PECAM1: variants seen among roughly 807,000 people sequenced by gnomAD.
PECAM1 encodes platelet and endothelial cell adhesion molecule 1.
PECAM1 carries 8 observed loss-of-function variants against 13.8 expected under a neutral mutation model. The observed-to-expected ratio is 0.58, with a 90% CI of 0.34 to 1.05. The LOEUF (loss-of-function observed/expected upper bound fraction) is 1.05, where lower values mean the gene tolerates loss of function less well. Ranked by LOEUF, PECAM1 falls within the 50% of genes least tolerant of loss-of-function variation. PECAM1 has a pLI of 0.03. For synonymous variants in PECAM1, 136 were observed against 52.6 expected (o/e 2.58, Z -6.86); for missense variants, 304 against 141.2 (o/e 2.15, Z -5.84).
In PECAM1 at chr17:64,378,014, A is replaced by G. The variant is rs1229713069; in HGVS notation, c.195T>C (p.Ser65=). The G allele has an allele frequency of 2.1e-6, 1 of 475,186 alleles. No homozygotes were observed. The highest frequency in any genetic ancestry group is 2.0e-5 in the African/African-American group (1 of 50,468). 29.4% of individuals were successfully genotyped at this position (475,186 alleles called of 1,614,324 possible). A position where few individuals can be genotyped will look rare whatever the true frequency, so the allele number is the denominator to read the frequency against. ...LQCFADVSTT[S]HVKPQHQMLF... ...GCATCTGGTGCTGAGGCTTGACGTG[A>G]GAGGTGGTGCTGACATCCGCGAAGC... Residue 65 remains serine (S), a synonymous_variant, in exon 3 of 16, where the codon TCT becomes TCC. Coordinates refer to ENST00000563924, the MANE Select transcript of PECAM1 (RefSeq NM_000442.5).
At chr17:64,326,737 AGTAAAGGTTAACAC>A in intron 15 of PECAM1, among the ~76,000 whole-genome samples, 1 of 152,316 alleles carries the variant, frequency 6.6e-6, no homozygotes, top group East Asian at 1.9e-4. Context: ...GGGATTTTGA[AGTAAAGGTTAACAC>A]GCTCACATCC....
Position 64,342,820 on chromosome 17 carries a change from T to TAC in PECAM1, c.2108-1132_2108-1131dup, listed in dbSNP as rs1286052172. Among the ~76,000 whole-genome samples, 57 of 152,198 alleles carry TAC rather than the reference T, an allele frequency of 3.7e-4. No homozygotes were observed. In the East Asian group the frequency reaches 0.011, roughly 29 times the overall value. On this transcript the variant is annotated intron_variant, in intron 13 of 15. Coordinates refer to ENST00000563924, the MANE Select transcript of PECAM1 (RefSeq NM_000442.5). The stretch of plus-strand genomic sequence containing the variant: ...TATACAAAAATACACACACAGCATA[T>TAC]ACACACGCACACTCATGCACACAAT...
At position 64,321,734 on chromosome 17, in the gene PECAM1, C is replaced by T. The variant is rs1156844747; in HGVS notation, c.*2082G>A. ...CATTGTTGTGCCACTGCACTCCAGC[C>T]TGGGCAACAGAGCAAGCCCCTGTCT... On this transcript the variant is annotated 3_prime_UTR_variant, in exon 16 of 16. Coordinates refer to ENST00000563924, the MANE Select transcript of PECAM1 (RefSeq NM_000442.5). 1.7e-6 allele frequency: 2 copies of T among 1,173,262 alleles called. No individual in the cohort carries two copies. The highest frequency in any genetic ancestry group is 1.1e-6 in the Non-Finnish European group (1 of 904,304). The allele number at this position is 1,173,262 out of a possible 1,614,324, so 72.7% of individuals were successfully genotyped here. A position where few individuals can be genotyped will look rare whatever the true frequency, so the allele number is the denominator to read the frequency against.
Position 64,321,830 on chromosome 17 carries a change from C to T in PECAM1, c.*1986G>A. On this transcript the variant is annotated 3_prime_UTR_variant, in exon 16 of 16. Coordinates refer to ENST00000563924, the MANE Select transcript of PECAM1 (RefSeq NM_000442.5). ...AAGGCACCAGGAGTAGGAATAGGGT[C>T]TTTGCAGCTCCCGTGGCAATTGCCC... 1 of 1,348,758 alleles carries T rather than the reference C, an allele frequency of 7.4e-7. No individual in the cohort carries two copies. The highest frequency in any genetic ancestry group is 1.5e-5 in the African/African-American group (1 of 67,772). 83.5% of individuals were successfully genotyped at this position (1,348,758 alleles called of 1,614,324 possible).
At chr17:64,364,253 A>G (rs912672781) in intron 5 of PECAM1, among the ~76,000 whole-genome samples, 1 of 151,994 alleles carries the variant, frequency 6.6e-6, no homozygotes, top group Non-Finnish European at 1.5e-5. Context: ...CAACACACAC[A>G]CTCTCCCAAG....
At chr17:64,329,291 G>T (rs1176522395) in intron 15 of PECAM1, among the ~76,000 whole-genome samples, 1 of 152,124 alleles carries the variant, frequency 6.6e-6, no homozygotes, top group Non-Finnish European at 1.5e-5. Flanking sequence ...AGAAGCTTGG[G>T]TGTCTCCTGC....
At position 64,323,201 on chromosome 17, in the gene PECAM1, T is replaced by C; in HGVS notation, c.*615A>G. 1 of 987,992 alleles carries C rather than the reference T, an allele frequency of 1.0e-6. No homozygotes were observed. The highest frequency in any genetic ancestry group is 1.2e-6 in the Non-Finnish European group (1 of 831,622). 61.2% of individuals were successfully genotyped at this position (987,992 alleles called of 1,614,324 possible). On this transcript the variant is annotated 3_prime_UTR_variant, in exon 16 of 16. Transcript: ENST00000563924. ...CCACCTTCATTTTCTGTTTTGTGCG[T>C]TGCCTGAATGAACGGTGTCTTCAGG...
intron 14 of PECAM1, among the ~76,000 whole-genome samples, chr17:64,340,529 C>T (rs1312561606): frequency 4.6e-5 from 7 of 152,068 alleles, no homozygotes; most frequent in African/African-American, 9.7e-5. Flanking sequence ...TTACGTCTTT[C>T]GGATTGCTGA....
At chr17:64,344,573 G>A (rs1465283065) in intron 13 of PECAM1, among the ~76,000 whole-genome samples, 1 of 151,966 alleles carries the variant, frequency 6.6e-6, no homozygotes, top group African/African-American at 2.4e-5. Context: ...AGAGCTGGAT[G>A]TGGTTCCCAA....
At chr17:64,373,774 T>A (rs1172694966) in intron 4 of PECAM1, among the ~76,000 whole-genome samples, 2 of 152,130 alleles carry the variant, frequency 1.3e-5, no homozygotes, top group Non-Finnish European at 2.9e-5. Context: ...TAAAGTGGGA[T>A]GCCAAAAGAA....
Position 64,322,180 on chromosome 17 carries a change from AT to A in PECAM1, c.*1635del. The stretch of plus-strand genomic sequence containing the variant: ...GCGGGCAGATCACCAAAGGTCAGGC[AT>A]TCGAGATCAGCCTGGCCAACGTGGT... On this transcript the variant is annotated 3_prime_UTR_variant, in exon 16 of 16. Transcript: ENST00000563924. 1 of 692,254 alleles carries A rather than the reference AT, an allele frequency of 1.4e-6. No homozygotes were observed. The highest frequency in any genetic ancestry group is 1.8e-6 in the Non-Finnish European group (1 of 556,736). 42.9% of individuals were successfully genotyped at this position (692,254 alleles called of 1,614,324 possible).
intron 14 of PECAM1, among the ~76,000 whole-genome samples, chr17:64,334,355 G>T (rs1338842542): frequency 6.6e-6 from 1 of 152,038 alleles, no homozygotes; most frequent in African/African-American, 2.4e-5. Context: ...GGGTTTAAGG[G>T]CCAGAACTGT....
chr17:64,320,803 C>T lies in PECAM1; in HGVS notation c.*3013G>A, dbSNP rs1555644303. On this transcript the variant is annotated 3_prime_UTR_variant, in exon 16 of 16. Transcript: ENST00000563924. Reference sequence around the variant, plus strand: ...AGACAAATAACTGGATGCTTCTGTGCAGAGTTTCTCAACCTGGCCATTATT... The same window carrying T: ...AGACAAATAACTGGATGCTTCTGTGTAGAGTTTCTCAACCTGGCCATTATT... The T allele has an allele frequency of 6.6e-6, 1 of 152,212 alleles. No homozygotes were observed. The highest frequency in any genetic ancestry group is 1.9e-4 in the East Asian group (1 of 5,204). The allele number at this position is 152,212 out of a possible 1,614,324, so 9.4% of individuals were successfully genotyped here.
At chr17:64,358,024 G>C (rs2035884378) in intron 7 of PECAM1, among the ~76,000 whole-genome samples, 1 of 151,526 alleles carries the variant, frequency 6.6e-6, no homozygotes, top group Non-Finnish European at 1.5e-5. Context: ...GTCACGCTTA[G>C]GCTCAGCCAC....
intron 12 of PECAM1, among the ~76,000 whole-genome samples, chr17:64,348,633 T>A (rs2035640356): frequency 6.6e-6 from 1 of 152,080 alleles, no homozygotes; most frequent in South Asian, 2.1e-4. Flanking sequence ...AGACAGGGTT[T>A]CACCATATTG....
chr17:64,362,863 C>T (rs996461672), intron 6 of PECAM1, among the ~76,000 whole-genome samples: 11 of 151,108 alleles, frequency 7.3e-5, no homozygotes, highest in African/African-American at 2.4e-4. Context: ...AAAAGTTTAA[C>T]ATTGACTAAG....
chr17:64,350,512 T>A (rs1021102914), intron 11 of PECAM1, 79 bp from the exon 12 acceptor site: 2 of 410,972 alleles, frequency 4.9e-6, no homozygotes, highest in Admixed American at 8.8e-5. Context: ...TCAGTACCCC[T>A]AACAAAGTCA....
chr17:64,352,438 T>C lies in PECAM1; in HGVS notation c.1942A>G (p.Asn648Asp), dbSNP rs1259097841. 1 of 475,080 alleles carries C rather than the reference T, an allele frequency of 2.1e-6. No individual in the cohort carries two copies. Among genetic ancestry groups the C allele is most frequent in the Non-Finnish European group, 3.9e-6 (1 of 259,004 alleles). 29.4% of individuals were successfully genotyped at this position (475,080 alleles called of 1,614,324 possible). A position where few individuals can be genotyped will look rare whatever the true frequency, so the allele number is the denominator to read the frequency against. Residue 648 changes from asparagine to aspartate, a missense_variant, in exon 11 of 16, where the codon AAC (asparagine) becomes GAC (aspartate). Coordinates refer to ENST00000563924, the MANE Select transcript of PECAM1 (RefSeq NM_000442.5). ...SRPAVPLLNSNNEKMSDPNME... is the reference protein window; with the variant it reads ...SRPAVPLLNSDNEKMSDPNME... ...TTGGGATCTGACATTTTCTCGTTGT[T>C]GGAGTTCAGAAGTGGTACTGCTGGC...
rs1408551767 is a variant in PECAM1 at position 64,378,296 on chromosome 17, C to A, written c.92-179G>T. 7.9e-5 allele frequency among the ~76,000 whole-genome samples: 12 copies of A among 152,188 alleles called. No homozygotes were observed. The South Asian group carries it at 8.3e-4, about 10-fold the overall frequency. On this transcript the variant is annotated intron_variant, in intron 2 of 15. Transcript: ENST00000563924. ...TGTGCACAGTGGCTCAAGCAGGAGG[C>A]AGTTGGTACTAAGCTGCAACTTTTC...
Sources: gnomAD v4.1 joint callset for allele counts (sites outside exome capture counted in the v4.1 genomes callset) on GRCh38, gnomAD v4.1.1 for gene constraint, MANE v1.5 for transcripts, NCBI Gene and HGNC (gene_info 2026-07-23, HGNC 2026-07-21) for gene names.